Variants in SYT1 observed in about 807,000 individuals in gnomAD.
SYT1 encodes the protein synaptotagmin 1.
Under a neutral mutation model 44.8 loss-of-function variants are expected in SYT1, and 8 were observed. The ratio of observed to expected loss-of-function variants is 0.18; its 90% CI spans 0.10 to 0.32. SYT1 has a LOEUF of 0.32. Ranked by LOEUF, SYT1 falls within the 10% of genes least tolerant of loss-of-function variation. The probability of loss-of-function intolerance (pLI) is 1.00; values close to 1 mark genes in which losing one functional copy is unlikely to be tolerated. For missense variants in SYT1, 286 were observed against 509.3 expected, an observed-to-expected ratio of 0.56 and a Z score of 4.22; for synonymous variants, 154 against 188.8, an observed-to-expected ratio of 0.82 and a Z score of 1.51.
chr12:79,233,600 G>A (rs1875999650), intron 4 of SYT1, among the ~76,000 whole-genome samples: 1 of 152,180 alleles, frequency 6.6e-6, no homozygotes, highest in South Asian at 2.1e-4. Flanking sequence ...ACAGTGATTG[G>A]AACTGTTCTG....
At chr12:79,407,231 ACTTATAC>A (rs1464190041) in intron 9 of SYT1, among the ~76,000 whole-genome samples, 2 of 152,072 alleles carry the variant, frequency 1.3e-5, no homozygotes, top group Admixed American at 1.3e-4. Flanking sequence ...TACTCTGTGT[ACTTATAC>A]CACTAATATT....
chr12:79,058,515 G>T (rs1875132722), intron 3 of SYT1, among the ~76,000 whole-genome samples: 1 of 151,884 alleles, frequency 6.6e-6, no homozygotes, highest in Non-Finnish European at 1.5e-5. Flanking sequence ...AGTGGTTTTG[G>T]TTTCCAATTT....
chr12:79,409,843 C>G (rs1172594868), intron 9 of SYT1, among the ~76,000 whole-genome samples: 1 of 151,844 alleles, frequency 6.6e-6, no homozygotes, highest in Non-Finnish European at 1.5e-5. Context: ...GGAAAGAATC[C>G]TACAGAGATG....
intron 3 of SYT1, among the ~76,000 whole-genome samples, chr12:79,171,561 T>C (rs930382063): frequency 6.6e-6 from 1 of 152,006 alleles, no homozygotes; most frequent in African/African-American, 2.4e-5. Context: ...AATAAAAAAG[T>C]TCTTTCAAAT....
chr12:78,907,444 C>T (rs1290314086), intron 1 of SYT1, among the ~76,000 whole-genome samples: 1 of 151,694 alleles, frequency 6.6e-6, no homozygotes, highest in African/African-American at 2.4e-5. Context: ...GAATATATTA[C>T]ATAATATATT....
Position 79,222,602 on chromosome 12 carries a change from C to T in SYT1, c.166+4917C>T, listed in dbSNP as rs184873979. 3.3e-5 allele frequency among the ~76,000 whole-genome samples: 5 copies of T among 152,154 alleles called. No homozygotes were observed. The East Asian group carries it at 9.7e-4, about 30-fold the overall frequency. On this transcript the variant is annotated intron_variant, in intron 4 of 10. Coordinates refer to ENST00000261205, the MANE Select transcript of SYT1 (RefSeq NM_005639.3). ...TTCACCATGTTGGCCCAGCTGGTCTCGAACTCCTGACCTCGGGTGATCCAC... is the reference window on the plus strand; with the variant it reads ...TTCACCATGTTGGCCCAGCTGGTCTTGAACTCCTGACCTCGGGTGATCCAC...
intron 1 of SYT1, among the ~76,000 whole-genome samples, chr12:78,929,617 C>A (rs1033132608): frequency 3.3e-5 from 5 of 150,668 alleles, no homozygotes; most frequent in Non-Finnish European, 1.5e-5. Flanking sequence ...TTTTAAAAAG[C>A]CAAATGATGT....
intron 9 of SYT1, among the ~76,000 whole-genome samples, chr12:79,399,017 C>A (rs1711836249): frequency 6.6e-6 from 1 of 152,128 alleles, no homozygotes; most frequent in African/African-American, 2.4e-5. Context: ...CTCAGAAAGT[C>A]TTCTATATTT....
chr12:79,410,965 A>G (rs915865176), intron 9 of SYT1, among the ~76,000 whole-genome samples: 2 of 152,216 alleles, frequency 1.3e-5, no homozygotes, highest in Non-Finnish European at 2.9e-5. Flanking sequence ...CCTTCAGTAA[A>G]CAGTTCTGAT....
intron 3 of SYT1, among the ~76,000 whole-genome samples, chr12:79,054,371 TG>T (rs1274429608): frequency 6.6e-6 from 1 of 151,964 alleles, no homozygotes; most frequent in Non-Finnish European, 1.5e-5. Context: ...AAATAAACCA[TG>T]GTAGGAGAAT....
chr12:78,939,525 T>A (rs1057005238), intron 1 of SYT1, among the ~76,000 whole-genome samples: 6 of 152,188 alleles, frequency 3.9e-5, no homozygotes, highest in African/African-American at 2.4e-5. Flanking sequence ...GCTTTGTGGA[T>A]AATTAAAATC....
intron 3 of SYT1, among the ~76,000 whole-genome samples, chr12:79,163,635 T>G (rs1359489779): frequency 6.6e-6 from 1 of 152,100 alleles, no homozygotes; most frequent in African/African-American, 2.4e-5. Context: ...CTGAAAACTC[T>G]GCTCTTTCTA....
At chr12:78,892,061 T>C (rs1402340725) in intron 1 of SYT1, among the ~76,000 whole-genome samples, 1 of 151,824 alleles carries the variant, frequency 6.6e-6, no homozygotes, top group Non-Finnish European at 1.5e-5. Context: ...TTCTTATGAA[T>C]TGAGGGTCAA....
At chr12:79,321,179 A>G (rs1881342253) in intron 8 of SYT1, among the ~76,000 whole-genome samples, 1 of 152,220 alleles carries the variant, frequency 6.6e-6, no homozygotes, top group African/African-American at 2.4e-5. Flanking sequence ...ACTGAGACTC[A>G]GAAAGGCTAA....
chr12:79,012,224 T>C (rs995591246), intron 2 of SYT1, among the ~76,000 whole-genome samples: 11 of 151,788 alleles, frequency 7.2e-5, no homozygotes, highest in Non-Finnish European at 1.6e-4. Flanking sequence ...TTTGTAGCGG[T>C]AAGAGGTCCA....
At chr12:79,002,433 T>C (rs932083552) in intron 2 of SYT1, among the ~76,000 whole-genome samples, 2 of 152,104 alleles carry the variant, frequency 1.3e-5, no homozygotes, top group African/African-American at 4.8e-5. Flanking sequence ...TATTCCTTGT[T>C]TGGCTTTTTG....
intron 1 of SYT1, among the ~76,000 whole-genome samples, chr12:78,963,080 T>C (rs1879595944): frequency 6.6e-6 from 1 of 152,148 alleles, no homozygotes; most frequent in South Asian, 2.1e-4. Flanking sequence ...GTGACTGTCT[T>C]ATTTCACTTA....
rs529680902 is a variant in SYT1 at position 79,143,032 on chromosome 12, C to T, written c.-17-74471C>T. Among the ~76,000 whole-genome samples the T allele has an allele frequency of 2.6e-5, 4 of 152,164 alleles. No individual in the cohort carries two copies. The East Asian group carries it at 7.7e-4, about 29-fold the overall frequency. ...CAAACCCTAGATTGTCTTCATGTAA[C>T]CTTGTGGGTCTATGATTCTAAGAAA... On this transcript the variant is annotated intron_variant, in intron 3 of 10. Transcript: ENST00000261205.
At chr12:78,970,311 C>G (rs1184407337) in intron 1 of SYT1, among the ~76,000 whole-genome samples, 1 of 152,118 alleles carries the variant, frequency 6.6e-6, no homozygotes, top group Admixed American at 6.5e-5. Context: ...AACACAGGAC[C>G]AAGTGAGAAA....
Sources: gnomAD v4.1 joint callset for allele counts (sites outside exome capture counted in the v4.1 genomes callset) on GRCh38, gnomAD v4.1.1 for gene constraint, MANE v1.5 for transcripts, NCBI Gene and HGNC (gene_info 2026-07-23, HGNC 2026-07-21) for gene names.